The following LIPA variants were observed in gnomAD, a reference collection of about 807,000 sequenced individuals.
LIPA encodes the protein lysosomal acid lipase/cholesteryl ester hydrolase.
In LIPA, 26 loss-of-function variants were observed where a neutral mutation model predicts 40.6. That is an observed-to-expected ratio of 0.64 (90% CI 0.47 to 0.89). The LOEUF (loss-of-function observed/expected upper bound fraction) is 0.89, where lower values mean the gene tolerates loss of function less well. Ranked by LOEUF, LIPA falls within the 40% of genes least tolerant of loss-of-function variation. The pLI, the probability that LIPA is intolerant of heterozygous loss-of-function variation, is 0.00. For synonymous variants in LIPA, 188 were observed against 168.4 expected, an observed-to-expected ratio of 1.12 and a Z score of -0.90; for missense variants, 455 against 479.6, an observed-to-expected ratio of 0.95 and a Z score of 0.48.
intron 2 of LIPA, among the ~76,000 whole-genome samples, chr10:89,408,368 G>A (rs561704556): frequency 4.6e-5 from 7 of 152,314 alleles, no homozygotes; most frequent in Non-Finnish European, 7.3e-5. Flanking sequence ...TTCATTGAAG[G>A]AAAATACACA....
chr10:89,247,966 C>G (rs1843053523), intron 1 of LIPA: 1 of 158,246 alleles, frequency 6.3e-6, no homozygotes, highest in Non-Finnish European at 1.3e-5. Flanking sequence ...CCTCCTGGTT[C>G]AAGCAATTCT....
chr10:89,405,751 T>C (rs1213237206), intron 2 of LIPA: 2 of 152,258 alleles, frequency 1.3e-5, no homozygotes, highest in African/African-American at 2.4e-5. Context: ...CTCTTTCTTC[T>C]AAGGACGCAC....
intron 2 of LIPA, among the ~76,000 whole-genome samples, chr10:89,350,109 T>C (rs762072842): frequency 5.3e-5 from 8 of 152,154 alleles, no homozygotes; most frequent in Non-Finnish European, 1.2e-4. Context: ...GTCTGGCCAC[T>C]TCTCTACAAA....
chr10:89,337,767 C>T (rs554556348), intron 1 of LIPA, among the ~76,000 whole-genome samples: 1 of 152,334 alleles, frequency 6.6e-6, no homozygotes, highest in African/African-American at 2.4e-5. Flanking sequence ...TCTTACCCAT[C>T]TTACCTCACC....
intron 1 of LIPA, among the ~76,000 whole-genome samples, chr10:89,338,454 A>G (rs1462247092): frequency 6.6e-6 from 1 of 152,208 alleles, no homozygotes. Flanking sequence ...GCCCACCCAT[A>G]CTGGGGAGAG....
chr10:89,371,661 A>T (rs1262692239), intron 2 of LIPA, among the ~76,000 whole-genome samples: 1 of 152,208 alleles, frequency 6.6e-6, no homozygotes, highest in Non-Finnish European at 1.5e-5. Flanking sequence ...GAACGTTTGA[A>T]CTGATGAGAA....
intron 1 of LIPA, among the ~76,000 whole-genome samples, chr10:89,272,617 T>G (rs1843271388): frequency 1.3e-5 from 2 of 152,202 alleles, no homozygotes; most frequent in South Asian, 4.1e-4. Context: ...TACCCGGTAA[T>G]GGGATTGTTG....
rs558756369 is a variant in LIPA, at chr10:89,242,911, C to A, written c.229+2765G>T. Among the ~76,000 whole-genome samples the A allele has an allele frequency of 7.9e-5, 12 of 152,264 alleles. No individual in the cohort carries two copies. In the East Asian group the frequency reaches 1.9e-3, roughly 24 times the overall value. On this transcript the variant is annotated intron_variant, in intron 3 of 9. Transcript: ENST00000336233. ...TTTCAGGCGCCCAGTTAAGTGGTAA[C>A]AAGAGCCTAATGTAGGCTGGTGGTC...
chr10:89,304,022 A>C (rs967324413), intron 1 of LIPA, among the ~76,000 whole-genome samples: 1 of 152,220 alleles, frequency 6.6e-6, no homozygotes. Context: ...TCCTGGGGTC[A>C]CTACAGTCCT....
chr10:89,267,344 G>A (rs1460477510), intron 1 of LIPA, among the ~76,000 whole-genome samples: 1 of 152,106 alleles, frequency 6.6e-6, no homozygotes, highest in Non-Finnish European at 1.5e-5. Context: ...GAAAATGGAA[G>A]GAGAAAGTCT....
chr10:89,369,088 T>G (rs114019476), intron 2 of LIPA, among the ~76,000 whole-genome samples: 28 of 152,162 alleles, frequency 1.8e-4, no homozygotes, highest in Admixed American at 1.6e-3. Flanking sequence ...GCAGTGCTGA[T>G]TCCATGGCCT....
chr10:89,412,987 C>T (rs1030714687), intron 1 of LIPA: 5 of 179,430 alleles, frequency 2.8e-5, no homozygotes, highest in Admixed American at 1.8e-4. Flanking sequence ...CTTAGCTATA[C>T]TTCTTGATGC....
At chr10:89,222,184 T>G (rs188662539) in intron 8 of LIPA, among the ~76,000 whole-genome samples, 1 of 151,322 alleles carries the variant, frequency 6.6e-6, no homozygotes, top group African/African-American at 2.4e-5. Flanking sequence ...GAGAAGCAGA[T>G]GGAGGGGAGG....
chr10:89,248,453 TTTATTTATTTA>T (rs1564766013), intron 1 of LIPA, among the ~76,000 whole-genome samples: 40 of 67,924 alleles, frequency 5.9e-4, no homozygotes, highest in Middle Eastern at 7.6e-3. Flanking sequence ...TATTTATTTA[TTTATTTATTTA>T]TTTATTTATT....
intron 1 of LIPA, among the ~76,000 whole-genome samples, chr10:89,299,230 A>C (rs1315958348): frequency 6.6e-6 from 1 of 151,874 alleles, no homozygotes; most frequent in Non-Finnish European, 1.5e-5. Context: ...TCAACAGTAG[A>C]CTAGACCAAG....
At chr10:89,269,028 T>C (rs570168573) in intron 1 of LIPA, among the ~76,000 whole-genome samples, 40 of 150,600 alleles carry the variant, frequency 2.7e-4, no homozygotes, top group Non-Finnish European at 4.1e-4. Flanking sequence ...ATTTACTTTA[T>C]TTAAAAATAC....
chr10:89,398,086 C>T (rs953350288), intron 2 of LIPA, among the ~76,000 whole-genome samples: 3 of 152,124 alleles, frequency 2.0e-5, no homozygotes, highest in African/African-American at 7.2e-5. Flanking sequence ...CCCTCCTCCC[C>T]CAGTGTGGAG....
chr10:89,282,916 A>G (rs1387020047), intron 1 of LIPA, among the ~76,000 whole-genome samples: 2 of 152,252 alleles, frequency 1.3e-5, no homozygotes, highest in Non-Finnish European at 2.9e-5. Context: ...CCTTGGGCAT[A>G]TCACTTAAGT....
At chr10:89,352,788 TAAAA>T (rs34514402) in intron 2 of LIPA, among the ~76,000 whole-genome samples, 30 of 113,136 alleles carry the variant, frequency 2.7e-4, no homozygotes, top group African/African-American at 7.1e-4. Context: ...ACTACAAAGA[TAAAA>T]AAAAAAAAAA....
Sources: allele counts gnomAD v4.1 joint callset (sites outside exome capture counted in the v4.1 genomes callset), GRCh38; gene constraint gnomAD v4.1.1; transcripts MANE v1.5; gene names NCBI Gene and HGNC (gene_info 2026-07-23, HGNC 2026-07-21).